Variants in NBEA observed in about 807,000 individuals in gnomAD.
The protein encoded by NBEA is neurobeachin.
A neutral mutation model predicts 343.4 loss-of-function variants in NBEA; 44 were observed. That is an observed-to-expected ratio of 0.13 (90% CI 0.10 to 0.16). The LOEUF (loss-of-function observed/expected upper bound fraction) is 0.16. NBEA is among the 10% of genes least tolerant of loss of function. The pLI is 1.00. For synonymous variants in NBEA, 1,175 were observed against 1,238.7 expected (o/e 0.95, Z 1.08); for missense variants, 2,555 against 3,631.3 (o/e 0.70, Z 7.62).
chr13:35,313,937 G>A (rs1261087388), intron 36 of NBEA, among the ~76,000 whole-genome samples: 4 of 151,978 alleles, frequency 2.6e-5, no homozygotes, highest in Admixed American at 1.3e-4. Context: ...TTTGGAGAGA[G>A]GGGTTACTTT....
chr13:34,975,310 A>G (rs923600896), intron 1 of NBEA, among the ~76,000 whole-genome samples: 9 of 152,218 alleles, frequency 5.9e-5, no homozygotes, highest in Non-Finnish European at 1.5e-5. Context: ...AAATAAAGCC[A>G]CATACAGCCA....
At chr13:35,116,187 T>C (rs893581244) in intron 13 of NBEA, among the ~76,000 whole-genome samples, 2 of 152,150 alleles carry the variant, frequency 1.3e-5, no homozygotes, top group African/African-American at 2.4e-5. Context: ...ATTAATATGA[T>C]AGAAATCAGA....
At chr13:35,522,545 G>A (rs991882471) in intron 41 of NBEA, among the ~76,000 whole-genome samples, 3 of 148,852 alleles carry the variant, frequency 2.0e-5, no homozygotes, top group South Asian at 4.3e-4. Flanking sequence ...GGAGGCAGGG[G>A]CATTGGTAAG....
intron 49 of NBEA, among the ~76,000 whole-genome samples, chr13:35,642,503 A>G (rs1475840959): frequency 6.6e-6 from 1 of 152,200 alleles, no homozygotes; most frequent in Non-Finnish European, 1.5e-5. Flanking sequence ...TGGAAAGTAC[A>G]ACAGATACAC....
intron 35 of NBEA, among the ~76,000 whole-genome samples, chr13:35,300,344 A>G (rs1300783032): frequency 6.6e-6 from 1 of 152,150 alleles, no homozygotes; most frequent in Non-Finnish European, 1.5e-5. Context: ...AAAAACAAGT[A>G]TTTTTTGAAA....
At chr13:35,663,345 C>CAT (rs2085195764) in intron 55 of NBEA, among the ~76,000 whole-genome samples, 1 of 152,206 alleles carries the variant, frequency 6.6e-6, no homozygotes, top group African/African-American at 2.4e-5. Context: ...TCAGCTCCCA[C>CAT]ATATGAGTAA....
chr13:35,169,093 TATC>T (rs1242182502), intron 25 of NBEA, 98 bp downstream of exon 25: 2 of 890,834 alleles, frequency 2.2e-6, no homozygotes, highest in African/African-American at 1.7e-5. Context: ...TGAGTTTTCA[TATC>T]ATCTTTAACA....
chr13:35,478,460 T>C (rs1263731804), intron 41 of NBEA, among the ~76,000 whole-genome samples: 2 of 152,216 alleles, frequency 1.3e-5, no homozygotes, highest in South Asian at 4.1e-4. Context: ...CAGTGGTCTC[T>C]GGGGAAACGC....
intron 35 of NBEA, among the ~76,000 whole-genome samples, chr13:35,299,010 A>G (rs890458405): frequency 1.3e-5 from 2 of 151,972 alleles, no homozygotes; most frequent in Admixed American, 6.6e-5. Context: ...TCTCGTCTCT[A>G]TTTTCACCCT....
intron 36 of NBEA, among the ~76,000 whole-genome samples, chr13:35,324,801 G>A (rs1442879894): frequency 6.6e-6 from 1 of 152,052 alleles, no homozygotes; most frequent in Non-Finnish European, 1.5e-5. Flanking sequence ...ATTTCATTGG[G>A]CAATAATGAT....
intron 1 of NBEA, among the ~76,000 whole-genome samples, chr13:34,949,287 T>G (rs983970098): frequency 6.6e-6 from 1 of 152,208 alleles, no homozygotes; most frequent in Admixed American, 6.5e-5. Flanking sequence ...GCTATGAGAC[T>G]GAAACTTAAA....
intron 41 of NBEA, among the ~76,000 whole-genome samples, chr13:35,478,144 T>G (rs2075961751): frequency 6.6e-6 from 1 of 152,230 alleles, no homozygotes; most frequent in Non-Finnish European, 1.5e-5. Flanking sequence ...CTTAAGCTTT[T>G]GATTTTTGTT....
chr13:35,037,878 C>T (rs2062506140), intron 1 of NBEA, among the ~76,000 whole-genome samples: 1 of 152,160 alleles, frequency 6.6e-6, no homozygotes, highest in African/African-American at 2.4e-5. Flanking sequence ...GGCCCTAGGG[C>T]TCTACAATTA....
intron 48 of NBEA, among the ~76,000 whole-genome samples, chr13:35,618,963 G>C (rs939036091): frequency 1.3e-5 from 2 of 151,984 alleles, no homozygotes; most frequent in African/African-American, 4.8e-5. Flanking sequence ...ACTGAGGCAG[G>C]GGAAGCCAAG....
At chr13:35,478,536 T>G (rs1403912040) in intron 41 of NBEA, among the ~76,000 whole-genome samples, 2 of 152,230 alleles carry the variant, frequency 1.3e-5, no homozygotes, top group Admixed American at 6.5e-5. Context: ...CTCTCGCTGC[T>G]CCGCATTCCC....
chr13:34,943,757 A>AT (rs962559954), intron 1 of NBEA, among the ~76,000 whole-genome samples: 6 of 152,102 alleles, frequency 3.9e-5, no homozygotes, highest in African/African-American at 1.2e-4. Flanking sequence ...TCTCTTAGTC[A>AT]TTTTTTGTGC....
intron 40 of NBEA, among the ~76,000 whole-genome samples, chr13:35,467,810 A>G (rs1458246956): frequency 6.6e-6 from 1 of 152,220 alleles, no homozygotes; most frequent in Non-Finnish European, 1.5e-5. Context: ...GCTGAAGAAA[A>G]TCCATATAGC....
chr13:35,310,689 T>C (rs2037303474), intron 36 of NBEA, among the ~76,000 whole-genome samples: 2 of 152,210 alleles, frequency 1.3e-5, no homozygotes, highest in Admixed American at 1.3e-4. Context: ...CTGCAAACTT[T>C]ACAACTTGAA....
chr13:35,363,858 C>T (rs995096071), intron 38 of NBEA, among the ~76,000 whole-genome samples: 1 of 151,964 alleles, frequency 6.6e-6, no homozygotes, highest in South Asian at 2.1e-4. Flanking sequence ...ATAAATCTCA[C>T]TTTAGGTGGA....
Sources: gnomAD v4.1 joint callset for allele counts (sites outside exome capture counted in the v4.1 genomes callset) on GRCh38, gnomAD v4.1.1 for gene constraint, MANE v1.5 for transcripts, NCBI Gene and HGNC (gene_info 2026-07-23, HGNC 2026-07-21) for gene names.